The following BCL2L13 variants were observed in gnomAD, a reference collection of about 807,000 sequenced individuals.
The protein encoded by BCL2L13 is BCL2 like 13.
In BCL2L13, 13 loss-of-function variants were observed where a neutral mutation model predicts 25.8. The observed-to-expected ratio is 0.50, with a 90% confidence interval of 0.33 to 0.80. BCL2L13 has a LOEUF of 0.80. Ranked by LOEUF, BCL2L13 falls within the 30% of genes least tolerant of loss-of-function variation. BCL2L13 has a pLI of 0.02. For missense variants in BCL2L13, 504 were observed against 574.9 expected (o/e 0.88, Z 1.26); for synonymous variants, 244 against 230.3 (o/e 1.06, Z -0.54).
chr22:17,640,894 ATAT>A (rs377022114), intron 1 of BCL2L13, among the ~76,000 whole-genome samples: 1 of 113,104 alleles, frequency 8.8e-6, no homozygotes. Context: ...ATATATATAT[ATAT>A]ATTTTTTTTT....
rs1052024298 is a variant in BCL2L13 at position 17,724,253 on chromosome 22, A to G, written c.601-2424A>G. Among the ~76,000 whole-genome samples, 5 of 152,194 alleles carry G rather than the reference A, an allele frequency of 3.3e-5. No homozygotes were observed. In the East Asian group the frequency reaches 5.8e-4, roughly 18 times the overall value. On this transcript the variant is annotated intron_variant, in intron 6 of 6. Transcript: ENST00000317582. ...CTGCCACTGCACTTCAGCCTGTGTG[A>G]CAGAGCGAGACCCCAACTCTAAAAA... is the stretch of plus-strand genomic sequence containing the variant.
intron 5 of BCL2L13, among the ~76,000 whole-genome samples, chr22:17,699,575 G>GA (rs926828662): frequency 3.3e-5 from 5 of 151,942 alleles, no homozygotes; most frequent in East Asian, 1.9e-4. Context: ...AACAATTGAA[G>GA]AAAAAAAATT....
intron 1 of BCL2L13, among the ~76,000 whole-genome samples, chr22:17,630,223 AAC>A (rs781679700): frequency 0.023 from 3,280 of 144,268 alleles, 198 homozygotes; most frequent in African/African-American, 0.084. Flanking sequence ...GTCTCAAAAA[AAC>A]AAAAAAAAAA....
At chr22:17,659,978 C>T (rs2059014305) in intron 2 of BCL2L13, among the ~76,000 whole-genome samples, 1 of 146,364 alleles carries the variant, frequency 6.8e-6, no homozygotes, top group Non-Finnish European at 1.6e-5. Context: ...GTCTCAGCCT[C>T]CCGAGTAGCT....
chr22:17,703,347 AATT>A (rs1214409994), intron 6 of BCL2L13: 1 of 152,254 alleles, frequency 6.6e-6, no homozygotes, highest in South Asian at 2.1e-4. Flanking sequence ...TATTTTGTCT[AATT>A]ATTTACTAAG....
chr22:17,677,201 G>A (rs1252663837), intron 2 of BCL2L13, among the ~76,000 whole-genome samples: 3 of 152,250 alleles, frequency 2.0e-5, no homozygotes, highest in East Asian at 3.9e-4. Flanking sequence ...TTTTATTTTG[G>A]TTAGTCTCAT....
At chr22:17,639,877 A>G (rs1318724122) in intron 1 of BCL2L13, among the ~76,000 whole-genome samples, 3 of 148,266 alleles carry the variant, frequency 2.0e-5, no homozygotes, top group Admixed American at 1.3e-4. Context: ...TTTTTGAGAC[A>G]GAGTTTCCCT....
chr22:17,655,316 A>T (rs1389066578), intron 1 of BCL2L13, among the ~76,000 whole-genome samples: 2 of 146,100 alleles, frequency 1.4e-5, no homozygotes, highest in Non-Finnish European at 3.1e-5. Context: ...TTTTTTTTTT[A>T]AATAAGCAGG....
At chr22:17,657,375 CTCTACTT>C (rs2058908650) in intron 2 of BCL2L13, among the ~76,000 whole-genome samples, 2 of 148,780 alleles carry the variant, frequency 1.3e-5, no homozygotes, top group Admixed American at 1.3e-4. Context: ...CTCTACTTAA[CTCTACTT>C]TGTGCTACAA....
At chr22:17,648,151 T>C (rs1187432830) in intron 1 of BCL2L13, among the ~76,000 whole-genome samples, 1 of 151,994 alleles carries the variant, frequency 6.6e-6, no homozygotes, top group African/African-American at 2.4e-5. Context: ...AAAAGTTCAT[T>C]GTGCAATATA....
At chr22:17,670,792 C>A (rs944138392) in intron 2 of BCL2L13, among the ~76,000 whole-genome samples, 1 of 152,178 alleles carries the variant, frequency 6.6e-6, no homozygotes, top group Non-Finnish European at 1.5e-5. Flanking sequence ...GATGGTTGAT[C>A]TCGACCACTG....
chr22:17,726,400 G>T (rs1224154231), intron 6 of BCL2L13, among the ~76,000 whole-genome samples: 1 of 150,804 alleles, frequency 6.6e-6, no homozygotes, highest in East Asian at 1.9e-4. Context: ...CAGATTTCAG[G>T]TTTTCAGATT....
chr22:17,658,696 C>CA (rs34033346), intron 2 of BCL2L13, among the ~76,000 whole-genome samples: 24,963 of 104,566 alleles, frequency 0.24, 3,279 homozygotes, highest in Non-Finnish European at 0.32. Flanking sequence ...ACTCTGTCAC[C>CA]AAAAAAAAAA....
chr22:17,722,172 C>G (rs1274287995), intron 6 of BCL2L13, among the ~76,000 whole-genome samples: 3 of 152,106 alleles, frequency 2.0e-5, no homozygotes, highest in African/African-American at 7.2e-5. Flanking sequence ...TGCCACAAAT[C>G]ATGTGACCTT....
At chr22:17,697,857 C>CT (rs2060310532) in intron 5 of BCL2L13, among the ~76,000 whole-genome samples, 1 of 152,128 alleles carries the variant, frequency 6.6e-6, no homozygotes, top group South Asian at 2.1e-4. Context: ...GAGACAGAGT[C>CT]TAACTCTGTC....
chr22:17,716,902 A>G (rs997490422), intron 6 of BCL2L13, among the ~76,000 whole-genome samples: 1 of 152,158 alleles, frequency 6.6e-6, no homozygotes, highest in Non-Finnish European at 1.5e-5. Context: ...AGGGGGAAAC[A>G]TGCACCTTTT....
intron 2 of BCL2L13, among the ~76,000 whole-genome samples, chr22:17,671,287 G>A (rs2587065): frequency 0.14 from 21,143 of 151,356 alleles, 2,024 homozygotes; most frequent in Non-Finnish European, 0.21. Context: ...CCAGCTACTG[G>A]GAAGGCCGAG....
intron 2 of BCL2L13, among the ~76,000 whole-genome samples, chr22:17,677,989 T>C (rs142281272): frequency 7.2e-4 from 109 of 152,292 alleles, no homozygotes; most frequent in African/African-American, 2.5e-3. Flanking sequence ...GAGGCTCTTG[T>C]GAGCCATGAT....
Position 17,638,772 on chromosome 22 carries a change from G to T in BCL2L13, c.-165G>T. On this transcript the variant is annotated 5_prime_UTR_variant, in exon 1 of 7. Coordinates refer to ENST00000317582, the MANE Select transcript of BCL2L13 (RefSeq NM_015367.4). ...GGGTGACCTCACCCTCCAACATGGC[G>T]GCGGCGGTAGATTAGGGCCGCGGGT... 8.1e-7 allele frequency: 1 copy of T among 1,231,696 alleles called. No individual in the cohort carries two copies. The highest frequency in any genetic ancestry group is 4.1e-5 in the South Asian group (1 of 24,318). 76.3% of individuals were successfully genotyped at this position (1,231,696 alleles called of 1,614,324 possible).
Sources: gnomAD v4.1 joint callset for allele counts (sites outside exome capture counted in the v4.1 genomes callset) on GRCh38, gnomAD v4.1.1 for gene constraint, MANE v1.5 for transcripts, NCBI Gene and HGNC (gene_info 2026-07-23, HGNC 2026-07-21) for gene names.